Variants in IGSF6 observed in about 807,000 individuals in gnomAD.
IGSF6 encodes immunoglobulin superfamily member 6, also known as down-regulated by activation (immunoglobulin superfamily).
IGSF6 carries 23 observed loss-of-function variants against 24.7 expected under a neutral mutation model. That is an observed-to-expected ratio of 0.93 (90% CI 0.67 to 1.32). The LOEUF (loss-of-function observed/expected upper bound fraction) is 1.32, where lower values mean the gene tolerates loss of function less well. IGSF6 is among the 40% of genes most tolerant of loss of function. IGSF6 has a pLI of 0.00. For missense variants in IGSF6, 295 were observed against 293.6 expected (o/e 1.00, Z -0.04); for synonymous variants, 110 against 113.7 (o/e 0.97, Z 0.21).
At chr16:21,648,405 G>C (rs1966482773) in intron 1 of IGSF6, among the ~76,000 whole-genome samples, 1 of 152,182 alleles carries the variant, frequency 6.6e-6, no homozygotes, top group African/African-American at 2.4e-5. Context: ...ACCTGCCTAA[G>C]CTATAGTAAG....
rs751033130 is a variant in IGSF6, at chr16:21,647,137, T to C, written c.423A>G (p.Val141=). 7 of 1,614,202 alleles carry C rather than the reference T, an allele frequency of 4.3e-6. No homozygotes were observed. Among genetic ancestry groups the C allele is most frequent in the Non-Finnish European group, 5.9e-6 (7 of 1,180,024 alleles). The part of the protein sequence containing the change: ...KQTGGGTTLV[V]REIKLLSKEL... ...AATAAAGCCTCGCTGACTGACCTCT[T>C]ACCACCAGTGTGGTCCCTCCTCCTG... is the stretch of plus-strand genomic sequence containing the variant. The change falls in exon 2 of 6, where the codon GTA becomes GTG. Residue 141 remains valine (V), a synonymous_variant. Transcript: ENST00000268389.
chr16:21,651,956 T>A (rs1597791762), intron 1 of IGSF6: 2 of 152,248 alleles, frequency 1.3e-5, no homozygotes, highest in East Asian at 3.8e-4. Flanking sequence ...TCTTCACAGA[T>A]GAGAAAAAAT....
intron 2 of IGSF6, among the ~76,000 whole-genome samples, chr16:21,645,357 G>A (rs1272614642): frequency 6.6e-6 from 1 of 152,136 alleles, no homozygotes; most frequent in Non-Finnish European, 1.5e-5. Context: ...GGAGGTTGAG[G>A]CAGGAGAATC....
chr16:21,649,644 T>G (rs922947553), intron 1 of IGSF6, among the ~76,000 whole-genome samples: 4 of 152,224 alleles, frequency 2.6e-5, no homozygotes, highest in African/African-American at 9.6e-5. Flanking sequence ...AAGTCATCTT[T>G]CAGATAATGT....
chr16:21,646,847 G>C (rs373301867), intron 2 of IGSF6: 5 of 402,314 alleles, frequency 1.2e-5, no homozygotes, highest in Middle Eastern at 1.5e-3. Flanking sequence ...GTAGAGATGG[G>C]GTTTCACCAT....
rs78032667 is a variant in IGSF6 at position 21,649,956 on chromosome 16, G to A, written c.68-2464C>T. On this transcript the variant is annotated intron_variant, in intron 1 of 5. Transcript: ENST00000268389. The stretch of plus-strand genomic sequence containing the variant: ...ACTCCTGGGCTCAAGCAATCCACTC[G>A]CCTCAGCCTTCCAAATTGGGTAGTG... 7.9e-3 allele frequency among the ~76,000 whole-genome samples: 1,208 copies of A among 152,184 alleles called. 20 individuals are homozygous for A. Among genetic ancestry groups the A allele is most frequent in the African/African-American group, 0.027 (1,127 of 41,520 alleles).
intron 1 of IGSF6, among the ~76,000 whole-genome samples, chr16:21,649,712 T>C (rs1966519238): frequency 6.6e-6 from 1 of 152,184 alleles, no homozygotes; most frequent in South Asian, 2.1e-4. Context: ...TATTTACACA[T>C]TTTTATTTTT....
chr16:21,644,481 T>A lies in IGSF6; in HGVS notation c.428-85A>T. On this transcript the variant is annotated intron_variant, in intron 2 of 5. Transcript: ENST00000268389. ...TGTGTAAAGTATCCTTCACACTGCG[T>A]TTTAGAGGTGAAACGTGAACTTACT... 3 of 933,378 alleles carry A rather than the reference T, an allele frequency of 3.2e-6. No homozygotes were observed. In the South Asian group the frequency reaches 4.3e-5, roughly 13 times the overall value. The allele number at this position is 933,378 out of a possible 1,614,324, so 57.8% of individuals were successfully genotyped here. A position where few individuals can be genotyped will look rare whatever the true frequency, so the allele number is the denominator to read the frequency against.
At chr16:21,650,315 T>C (rs923739001) in intron 1 of IGSF6, among the ~76,000 whole-genome samples, 2 of 152,072 alleles carry the variant, frequency 1.3e-5, no homozygotes, top group African/African-American at 4.8e-5. Context: ...GAGACTAGCC[T>C]GGCCAACATG....
Position 21,641,463 on chromosome 16 carries a change from A to G in IGSF6, c.*71T>C. On this transcript the variant is annotated 3_prime_UTR_variant, in exon 6 of 6. Coordinates refer to ENST00000268389, the MANE Select transcript of IGSF6 (RefSeq NM_005849.4). ...TTATTTTTTTTTAAGACCTGATGATATATGTTCATTAACACTGCCATAGCT... is the reference window on the plus strand; with the variant it reads ...TTATTTTTTTTTAAGACCTGATGATGTATGTTCATTAACACTGCCATAGCT... 1.2e-6 allele frequency: 1 copy of G among 812,916 alleles called. No individual in the cohort carries two copies. The highest frequency in any genetic ancestry group is 2.0e-6 in the Non-Finnish European group (1 of 497,896). The allele number at this position is 812,916 out of a possible 1,614,324, so 50.4% of individuals were successfully genotyped here. A position where few individuals can be genotyped will look rare whatever the true frequency, so the allele number is the denominator to read the frequency against.
At chr16:21,650,422 C>A (rs771796824) in intron 1 of IGSF6, among the ~76,000 whole-genome samples, 7 of 149,614 alleles carry the variant, frequency 4.7e-5, no homozygotes, top group African/African-American at 1.7e-4. Flanking sequence ...GCAGGAGAAT[C>A]GCTTGAACGT....
intron 2 of IGSF6, 40 bp downstream of exon 2, chr16:21,647,093 A>G: frequency 6.2e-7 from 1 of 1,613,702 alleles, no homozygotes; most frequent in Non-Finnish European, 8.5e-7. Context: ...GGCCTGAACA[A>G]GATGCAATGA....
In IGSF6 at chr16:21,643,780, G is replaced by A. The variant is rs565465167; in HGVS notation, c.535-182C>T. Among the ~76,000 whole-genome samples the A allele has an allele frequency of 7.2e-5, 11 of 152,222 alleles. No homozygotes were observed. In the South Asian group the frequency reaches 8.3e-4, roughly 11 times the overall value. On this transcript the variant is annotated intron_variant, in intron 3 of 5. Transcript: ENST00000268389. ...TTAAAAACTAATTGAACAAACTGAC[G>A]TTGATTGTAGGATTTATAGTAATCC... is the stretch of plus-strand genomic sequence containing the variant.
intron 1 of IGSF6, among the ~76,000 whole-genome samples, chr16:21,651,492 G>C (rs1217648530): frequency 6.6e-6 from 1 of 151,742 alleles, no homozygotes; most frequent in Non-Finnish European, 1.5e-5. Flanking sequence ...GTAGAAATGG[G>C]GGTCTCATTA....
chr16:21,651,726 C>T (rs1384554507), intron 1 of IGSF6: 3 of 152,190 alleles, frequency 2.0e-5, no homozygotes, highest in Non-Finnish European at 4.4e-5. Flanking sequence ...CCTACTCCCT[C>T]ACTCCCATAT....
At position 21,643,061 on chromosome 16, in the gene IGSF6, A is replaced by G; in HGVS notation, c.666+13T>C. 2.6e-6 allele frequency: 4 copies of G among 1,564,210 alleles called. No individual in the cohort carries two copies. The highest frequency in any genetic ancestry group is 2.2e-5 in the East Asian group (1 of 44,590). On this transcript the variant is annotated intron_variant, in intron 5 of 5. Coordinates refer to ENST00000268389, the MANE Select transcript of IGSF6 (RefSeq NM_005849.4). ...ATCTGTATTTACATTTTTTTTTGAC[A>G]TTTTACACTTACAGATTGCTGATTT... is the stretch of plus-strand genomic sequence containing the variant.
chr16:21,652,292 C>G (rs1966597575), intron 1 of IGSF6: 4 of 384,950 alleles, frequency 1.0e-5, no homozygotes, highest in Non-Finnish European at 1.8e-5. Flanking sequence ...ACCCTTTGGT[C>G]AGATTGTCTC....
intron 2 of IGSF6, 56 bp downstream of exon 2, chr16:21,647,077 T>C: frequency 6.2e-7 from 1 of 1,611,992 alleles, no homozygotes. Context: ...AGGTAATGAT[T>C]TTACAGGCCT....
chr16:21,649,974 G>T (rs1966525707), intron 1 of IGSF6, among the ~76,000 whole-genome samples: 1 of 152,120 alleles, frequency 6.6e-6, no homozygotes, highest in South Asian at 2.1e-4. Flanking sequence ...CTTCCAAATT[G>T]GGTAGTGTTT....
Sources: gnomAD v4.1 joint callset for allele counts (sites outside exome capture counted in the v4.1 genomes callset) on GRCh38, gnomAD v4.1.1 for gene constraint, MANE v1.5 for transcripts, NCBI Gene and HGNC (gene_info 2026-07-23, HGNC 2026-07-21) for gene names.